L3MBTL4: variants seen among roughly 807,000 people sequenced by gnomAD.
L3MBTL4 encodes lethal(3)malignant brain tumor-like protein 4.
L3MBTL4 carries 70 observed loss-of-function variants against 84.5 expected under a neutral mutation model. The ratio of observed to expected loss-of-function variants is 0.83; its 90% CI spans 0.68 to 1.01. L3MBTL4 has a LOEUF of 1.01. Among genes scored for constraint, L3MBTL4 ranks in the 50% least tolerant of loss-of-function variants. The probability of loss-of-function intolerance (pLI) is 0.00; values close to 1 mark genes in which losing one functional copy is unlikely to be tolerated. For synonymous variants in L3MBTL4, 274 were observed against 259.8 expected, an observed-to-expected ratio of 1.05 and a Z score of -0.52; for missense variants, 715 against 754.8, an observed-to-expected ratio of 0.95 and a Z score of 0.62.
intron 16 of L3MBTL4, among the ~76,000 whole-genome samples, chr18:5,976,068 G>C (rs1354734756): frequency 6.6e-6 from 1 of 152,184 alleles, no homozygotes; most frequent in Non-Finnish European, 1.5e-5. Context: ...GTTAGAAGTT[G>C]AATGAAGAGC....
At chr18:6,356,518 T>C (rs902151359) in intron 1 of L3MBTL4, among the ~76,000 whole-genome samples, 1 of 152,154 alleles carries the variant, frequency 6.6e-6, no homozygotes, top group Non-Finnish European at 1.5e-5. Context: ...ACCTACTGGG[T>C]AGAGCCTACT....
intron 12 of L3MBTL4, among the ~76,000 whole-genome samples, chr18:6,199,940 G>A (rs1256436988): frequency 2.6e-5 from 4 of 152,214 alleles, no homozygotes; most frequent in African/African-American, 9.6e-5. Flanking sequence ...CTCTGGAAGT[G>A]TCCTACAGAA....
intron 16 of L3MBTL4, among the ~76,000 whole-genome samples, chr18:6,036,043 C>T (rs1346549906): frequency 6.6e-6 from 1 of 152,148 alleles, no homozygotes; most frequent in Non-Finnish European, 1.5e-5. Flanking sequence ...TCTCTGGCCA[C>T]CAAGGTTTCT....
intron 5 of L3MBTL4, among the ~76,000 whole-genome samples, chr18:6,262,041 C>G (rs2146357775): frequency 6.6e-6 from 1 of 152,272 alleles, no homozygotes; most frequent in East Asian, 1.9e-4. Flanking sequence ...AGGTGTGACT[C>G]CTAAGCCACA....
rs535933557 is a variant in L3MBTL4, at chr18:6,387,220, G to A, written c.-91+27581C>T. 7.9e-5 allele frequency among the ~76,000 whole-genome samples: 12 copies of A among 152,254 alleles called. No individual in the cohort carries two copies. The East Asian group carries it at 2.1e-3, about 27-fold the overall frequency. On this transcript the variant is annotated intron_variant, in intron 1 of 18. Transcript: ENST00000317931. ...GGAACCTCCAGGGGAAGCTGAAACA[G>A]GACGCCTTCACCTAAGGCTGTCGTC...
At chr18:6,364,779 T>C (rs781287003) in intron 1 of L3MBTL4, among the ~76,000 whole-genome samples, 2 of 152,108 alleles carry the variant, frequency 1.3e-5, no homozygotes, top group Non-Finnish European at 1.5e-5. Flanking sequence ...ACACGATGCC[T>C]AATACTTTCA....
At chr18:5,976,701 A>T (rs2052950821) in intron 16 of L3MBTL4, among the ~76,000 whole-genome samples, 2 of 152,168 alleles carry the variant, frequency 1.3e-5, no homozygotes, top group African/African-American at 4.8e-5. Context: ...TCTGGCTTAT[A>T]ACTGATGCTC....
chr18:6,102,021 C>T (rs180873518), intron 14 of L3MBTL4, among the ~76,000 whole-genome samples: 2 of 152,308 alleles, frequency 1.3e-5, no homozygotes, highest in East Asian at 3.9e-4. Context: ...AATCACTGCC[C>T]TCCAGTTTTA....
chr18:6,307,518 C>T (rs2050645428), intron 3 of L3MBTL4, among the ~76,000 whole-genome samples: 1 of 151,754 alleles, frequency 6.6e-6, no homozygotes, highest in Non-Finnish European at 1.5e-5. Flanking sequence ...AACAGAATAA[C>T]AATGCATTCA....
chr18:6,244,666 A>G, intron 5 of L3MBTL4, 78 bp from the exon 6 acceptor site: 1 of 976,460 alleles, frequency 1.0e-6, no homozygotes. Flanking sequence ...TGTCACCTCT[A>G]GGTGAAGTCT....
At chr18:6,061,622 C>T (rs2057223404) in intron 16 of L3MBTL4, among the ~76,000 whole-genome samples, 1 of 151,934 alleles carries the variant, frequency 6.6e-6, no homozygotes, top group African/African-American at 2.4e-5. Flanking sequence ...TTGCATTTTA[C>T]ATTTAGATCC....
At chr18:6,274,385 A>G (rs2048996226) in intron 4 of L3MBTL4, among the ~76,000 whole-genome samples, 2 of 152,220 alleles carry the variant, frequency 1.3e-5, no homozygotes, top group African/African-American at 4.8e-5. Flanking sequence ...AGGTGGCCCT[A>G]CAGACAGGAT....
At chr18:6,347,615 A>G (rs1488261268) in intron 1 of L3MBTL4, among the ~76,000 whole-genome samples, 3 of 151,750 alleles carry the variant, frequency 2.0e-5, no homozygotes, top group Non-Finnish European at 4.4e-5. Context: ...ACACCAATTC[A>G]TAACTTTTTA....
intron 13 of L3MBTL4, among the ~76,000 whole-genome samples, chr18:6,161,948 T>G (rs1018338368): frequency 6.6e-6 from 1 of 150,470 alleles, no homozygotes; most frequent in Non-Finnish European, 1.5e-5. Flanking sequence ...TATATATATC[T>G]AAGAAAGCTA....
At chr18:6,391,061 A>C (rs1599880772) in intron 1 of L3MBTL4, among the ~76,000 whole-genome samples, 1 of 152,194 alleles carries the variant, frequency 6.6e-6, no homozygotes, top group African/African-American at 2.4e-5. Flanking sequence ...AATATCCCTG[A>C]TGAACACAGA....
intron 15 of L3MBTL4, among the ~76,000 whole-genome samples, chr18:6,086,949 G>A (rs910122536): frequency 1.3e-5 from 2 of 152,122 alleles, no homozygotes; most frequent in Non-Finnish European, 1.5e-5. Context: ...TGTCATGAGC[G>A]AATCAGCATG....
chr18:6,038,332 C>A (rs1034379741), intron 16 of L3MBTL4, among the ~76,000 whole-genome samples: 1 of 146,172 alleles, frequency 6.8e-6, no homozygotes, highest in East Asian at 2.1e-4. Flanking sequence ...CGGCTCACTG[C>A]AAGCTCCGCC....
chr18:5,968,177 T>C (rs1396560071), intron 17 of L3MBTL4, among the ~76,000 whole-genome samples: 1 of 152,208 alleles, frequency 6.6e-6, no homozygotes, highest in Non-Finnish European at 1.5e-5. Context: ...CCAGGAACAT[T>C]GTGTGACTAA....
rs371451680 is a variant in L3MBTL4 at position 6,184,905 on chromosome 18, G to C, written c.982-12963C>G. Among the ~76,000 whole-genome samples the C allele has an allele frequency of 1.1e-3, 167 of 152,264 alleles. 4 individuals are homozygous for C. In the South Asian group the frequency reaches 0.029, roughly 27 times the overall value. ...GGAAAAAAATGTGAAAGAGGTCTTGGGACAAGGGTTTCCCAAACAAAACTT... is the reference window on the plus strand; with the variant it reads ...GGAAAAAAATGTGAAAGAGGTCTTGCGACAAGGGTTTCCCAAACAAAACTT... On this transcript the variant is annotated intron_variant, in intron 12 of 18. Transcript: ENST00000317931.
Sources: allele counts gnomAD v4.1 joint callset (sites outside exome capture counted in the v4.1 genomes callset), GRCh38; gene constraint gnomAD v4.1.1; transcripts MANE v1.5; gene names NCBI Gene and HGNC (gene_info 2026-07-23, HGNC 2026-07-21).